IL31RA: variants seen among roughly 807,000 people sequenced by gnomAD.
IL31RA encodes the protein interleukin-31 receptor subunit alpha.
IL31RA carries 66 observed loss-of-function variants against 83.7 expected under a neutral mutation model. The ratio of observed to expected loss-of-function variants is 0.79; its 90% confidence interval spans 0.65 to 0.97. The LOEUF is 0.97. Ranked by LOEUF, IL31RA falls within the 50% of genes least tolerant of loss-of-function variation. The pLI is 0.00. For synonymous variants in IL31RA, 325 were observed against 329.0 expected (o/e 0.99, Z 0.13); for missense variants, 798 against 919.4 (o/e 0.87, Z 1.71).
At chr5:55,848,439 T>A (rs1413381814), upstream of IL31RA, among the ~76,000 whole-genome samples, 2 of 152,216 alleles carry the variant, frequency 1.3e-5, no homozygotes, top group East Asian at 3.8e-4. Context: ...CCTGTGTCCC[T>A]TTGACATGCT....
chr5:55,869,785 A>G (rs575450254), intron 3 of IL31RA, among the ~76,000 whole-genome samples: 23 of 152,246 alleles, frequency 1.5e-4, no homozygotes, highest in African/African-American at 5.1e-4. Context: ...TTTTAACAAA[A>G]ATTTTTAACA....
chr5:55,905,946 G>C (rs886591400), intron 8 of IL31RA, among the ~76,000 whole-genome samples, 160 bp from the exon 9 acceptor site: 1 of 152,238 alleles, frequency 6.6e-6, no homozygotes, highest in South Asian at 2.1e-4. Context: ...GAAAAAGGAT[G>C]CAATAAGGGG....
intron 8 of IL31RA, 71 bp downstream of exon 8, chr5:55,900,203 C>T: frequency 9.3e-7 from 1 of 1,078,932 alleles, no homozygotes; most frequent in Non-Finnish European, 1.4e-6. Flanking sequence ...TCCCTGTGCT[C>T]TCAAGGGTGG....
upstream of IL31RA, among the ~76,000 whole-genome samples, chr5:55,846,597 G>A (rs1580632903): frequency 6.6e-6 from 1 of 152,148 alleles, no homozygotes. Context: ...AGGAGTTCGA[G>A]ACCAGCCTGG....
In IL31RA at chr5:55,922,754, T is replaced by C. The variant is rs1561134081; in HGVS notation, c.*5634T>C. On this transcript the variant is annotated 3_prime_UTR_variant, in exon 15 of 15. Transcript: ENST00000652347. ...ATGCTATACTTCTATACTATTTTCA[T>C]GTAATACTATACTTCTATACTATTT... 6.0e-6 allele frequency: 2 copies of C among 333,248 alleles called. No homozygotes were observed. The highest frequency in any genetic ancestry group is 1.1e-4 in the East Asian group (2 of 17,774). 20.6% of individuals were successfully genotyped at this position (333,248 alleles called of 1,614,324 possible).
chr5:55,894,747 C>G (rs748776029), intron 6 of IL31RA, among the ~76,000 whole-genome samples: 2 of 152,188 alleles, frequency 1.3e-5, no homozygotes, highest in Non-Finnish European at 2.9e-5. Flanking sequence ...AGACACGACT[C>G]GCTCTGTTTC....
intron 7 of IL31RA, among the ~76,000 whole-genome samples, chr5:55,899,659 G>C (rs1221308264): frequency 6.6e-6 from 1 of 152,148 alleles, no homozygotes; most frequent in Admixed American, 6.5e-5. Context: ...AGGGTGGCTT[G>C]TTTACATTGT....
chr5:55,918,279 CA>C lies in IL31RA; in HGVS notation c.*1160del, dbSNP rs1471006719. On this transcript the variant is annotated 3_prime_UTR_variant, in exon 15 of 15. Transcript: ENST00000652347. Reference sequence around the variant, plus strand: ...GTGGCCCAAGGTGCAGTGAACCCAGCACTTGCCAGCCAGGAAGGCTGATGGT... The same window carrying C: ...GTGGCCCAAGGTGCAGTGAACCCAGCCTTGCCAGCCAGGAAGGCTGATGGT... 3.3e-5 allele frequency among the ~76,000 whole-genome samples: 5 copies of C among 152,180 alleles called. No homozygotes were observed. Among genetic ancestry groups the C allele is most frequent in the Non-Finnish European group, 7.3e-5 (5 of 68,036 alleles).
chr5:55,885,214 CCT>C (rs1747508708), intron 5 of IL31RA, among the ~76,000 whole-genome samples: 1 of 152,102 alleles, frequency 6.6e-6, no homozygotes, highest in Non-Finnish European at 1.5e-5. Context: ...CCATAGACAC[CCT>C]GTTTACTGCA....
intron 2 of IL31RA, among the ~76,000 whole-genome samples, chr5:55,861,352 T>A (rs958614587): frequency 6.6e-6 from 1 of 152,186 alleles, no homozygotes; most frequent in Non-Finnish European, 1.5e-5. Flanking sequence ...GGAGATGAGC[T>A]GCTGGTGAGC....
At chr5:55,898,781 TG>T (rs1388432290) in intron 7 of IL31RA, among the ~76,000 whole-genome samples, 1 of 151,982 alleles carries the variant, frequency 6.6e-6, no homozygotes, top group Non-Finnish European at 1.5e-5. Context: ...CCCAGCACTT[TG>T]GGAGGCCAAG....
intron 11 of IL31RA, chr5:55,909,085 G>A (rs1255788541): frequency 1.2e-5 from 2 of 170,748 alleles, no homozygotes; most frequent in Middle Eastern, 2.8e-3. Context: ...CTACCAAACT[G>A]CTTTGTGTCT....
chr5:55,896,098 A>G (rs909223409), intron 6 of IL31RA, among the ~76,000 whole-genome samples: 12 of 152,190 alleles, frequency 7.9e-5, no homozygotes, highest in Non-Finnish European at 1.3e-4. Context: ...GGCCTATTAT[A>G]CTTTTCCTTT....
chr5:55,881,292 G>A (rs1291136269), intron 4 of IL31RA, among the ~76,000 whole-genome samples: 3 of 133,180 alleles, frequency 2.3e-5, no homozygotes, highest in African/African-American at 9.4e-5. Flanking sequence ...ACAGAGCAAG[G>A]CTCCATCTCA....
At chr5:55,896,915 C>T (rs1580718106) in intron 7 of IL31RA, among the ~76,000 whole-genome samples, 1 of 84,116 alleles carries the variant, frequency 1.2e-5, no homozygotes, top group South Asian at 4.8e-4. Context: ...CTCCTGGGCT[C>T]AAGTGATCCT....
chr5:55,850,622 G>A (rs977728527), upstream of IL31RA, among the ~76,000 whole-genome samples: 1 of 152,154 alleles, frequency 6.6e-6, no homozygotes, highest in East Asian at 1.9e-4. Context: ...CCCATCTGCT[G>A]TTGGGATGGG....
intron 6 of IL31RA, 130 bp from the exon 7 acceptor site, chr5:55,896,220 C>A: frequency 1.4e-6 from 1 of 729,976 alleles, no homozygotes; most frequent in Admixed American, 1.9e-5. Flanking sequence ...AAGCTGCCAT[C>A]CCTCCACTCC....
intron 5 of IL31RA, among the ~76,000 whole-genome samples, chr5:55,884,298 A>G (rs1747444666): frequency 6.6e-6 from 1 of 152,178 alleles, no homozygotes. Context: ...TTAGAGTTTT[A>G]TCAGTCTTTA....
rs1277975870 is a variant in IL31RA, at chr5:55,903,507, T to C, written c.1070-2599T>C. The stretch of plus-strand genomic sequence containing the variant: ...AGTGATGACTTGGAAATTCCCCTTT[T>C]GGCGCCCCTTGGTGTGGCCAGGCTT... On this transcript the variant is annotated intron_variant, in intron 8 of 14. Transcript: ENST00000652347. This position sits in a 1 kb window ranked among gnomAD's most constrained non-coding sequence, Gnocchi z 4.7. Among the ~76,000 whole-genome samples, 3 of 152,202 alleles carry C rather than the reference T, an allele frequency of 2.0e-5. No individual in the cohort carries two copies. Among genetic ancestry groups the C allele is most frequent in the Non-Finnish European group, 4.4e-5 (3 of 68,034 alleles).
Sources: allele counts gnomAD v4.1 joint callset (sites outside exome capture counted in the v4.1 genomes callset), GRCh38; gene constraint gnomAD v4.1.1; non-coding constraint Gnocchi (gnomAD v3.1); transcripts MANE v1.5; gene names NCBI Gene and HGNC (gene_info 2026-07-23, HGNC 2026-07-21).